Variants in TOR1B observed in about 807,000 individuals in gnomAD.
The protein encoded by TOR1B is torsin family 1 member B.
TOR1B carries 14 observed loss-of-function variants against 29.2 expected under a neutral mutation model. That is an observed-to-expected ratio of 0.48 (90% CI 0.32 to 0.75). The LOEUF is 0.75. Ranked by LOEUF, TOR1B falls within the 30% of genes least tolerant of loss-of-function variation. TOR1B has a pLI of 0.04. For missense variants in TOR1B, 400 were observed against 433.9 expected, an observed-to-expected ratio of 0.92 and a Z score of 0.69; for synonymous variants, 166 against 179.8, an observed-to-expected ratio of 0.92 and a Z score of 0.62.
At chr9:129,807,028 A>G (rs910124015) in intron 2 of TOR1B, among the ~76,000 whole-genome samples, 160 bp from the exon 3 acceptor site, 1 of 152,184 alleles carries the variant, frequency 6.6e-6, no homozygotes, top group African/African-American at 2.4e-5. Context: ...TTTTAGAGAT[A>G]AGGTTTTAGA....
intron 2 of TOR1B, 183 bp downstream of exon 2, chr9:129,804,521 C>G (rs987331493): frequency 4.1e-6 from 3 of 740,732 alleles, no homozygotes; most frequent in Admixed American, 2.9e-5. Flanking sequence ...TTACTTGGTT[C>G]CAAAACAGTC....
chr9:129,807,477 A>G (rs1408473550), intron 3 of TOR1B, 114 bp downstream of exon 3: 11 of 1,254,656 alleles, frequency 8.8e-6, no homozygotes, highest in Non-Finnish European at 1.1e-5. Context: ...CCTGCTTGGC[A>G]CAAGGCACTT....
chr9:129,810,100 C>A lies in TOR1B; in HGVS notation c.*517C>A. 1 of 1,288,560 alleles carries A rather than the reference C, an allele frequency of 7.8e-7. No individual in the cohort carries two copies. The highest frequency in any genetic ancestry group is 1.0e-6 in the Non-Finnish European group (1 of 978,312). The allele number at this position is 1,288,560 out of a possible 1,614,324, so 79.8% of individuals were successfully genotyped here. On this transcript the variant is annotated 3_prime_UTR_variant, in exon 5 of 5. Transcript: ENST00000259339. ...ACCCGCGCCTCAGAAGCTACGGTCA[C>A]AACTAAAGGAGTCCAGGGACTTGCT...
chr9:129,807,853 A>G (rs1038547080), intron 3 of TOR1B, among the ~76,000 whole-genome samples: 7 of 151,630 alleles, frequency 4.6e-5, no homozygotes, highest in Non-Finnish European at 1.0e-4. Flanking sequence ...CTCAAAAAAA[A>G]AAAAAAAAGA....
chr9:129,810,438 C>T lies in TOR1B; in HGVS notation c.*855C>T. 2 of 1,182,456 alleles carry T rather than the reference C, an allele frequency of 1.7e-6. No individual in the cohort carries two copies. The highest frequency in any genetic ancestry group is 2.1e-6 in the Non-Finnish European group (2 of 930,442). The allele number at this position is 1,182,456 out of a possible 1,614,324, so 73.2% of individuals were successfully genotyped here. On this transcript the variant is annotated 3_prime_UTR_variant, in exon 5 of 5. Coordinates refer to ENST00000259339, the MANE Select transcript of TOR1B (RefSeq NM_014506.3). Reference sequence around the variant, plus strand: ...CTGTCCATCGCTCTAGCTGCTAATACAGCCCTGGCTGTGGAATCCTTCACC... The same window carrying T: ...CTGTCCATCGCTCTAGCTGCTAATATAGCCCTGGCTGTGGAATCCTTCACC...
At chr9:129,804,993 C>G (rs1349772584) in intron 2 of TOR1B, among the ~76,000 whole-genome samples, 8 of 151,156 alleles carry the variant, frequency 5.3e-5, no homozygotes, top group Admixed American at 4.6e-4. Context: ...AAAAAATTAG[C>G]CGGGGATGGT....
At chr9:129,804,425 T>A in intron 2 of TOR1B, 87 bp downstream of exon 2, 1 of 1,530,340 alleles carries the variant, frequency 6.5e-7, no homozygotes, top group Non-Finnish European at 8.9e-7. Flanking sequence ...TGCTTCTCTT[T>A]CCTTTGTGTT....
Position 129,809,735 on chromosome 9 carries a change from C to T in TOR1B, c.*152C>T, listed in dbSNP as rs2030734698. ...ATCTTTTTTTTGAGAAGAGGTCTCA[C>T]TCCGTCATCCAAGCTGGAGTGCAGT... On this transcript the variant is annotated 3_prime_UTR_variant, in exon 5 of 5. Transcript: ENST00000259339. 2.1e-6 allele frequency: 3 copies of T among 1,439,170 alleles called. No homozygotes were observed. The Admixed American group carries it at 8.4e-5, about 41-fold the overall frequency. 89.2% of individuals were successfully genotyped at this position (1,439,170 alleles called of 1,614,324 possible).
At position 129,810,571 on chromosome 9, in the gene TOR1B, T is replaced by G. The variant is rs2030809186; in HGVS notation, c.*988T>G. The G allele has an allele frequency of 2.2e-6, 1 of 455,214 alleles. No individual in the cohort carries two copies. Among genetic ancestry groups the G allele is most frequent in the African/African-American group, 2.1e-5 (1 of 48,482 alleles). 28.2% of individuals were successfully genotyped at this position (455,214 alleles called of 1,614,324 possible). A position where few individuals can be genotyped will look rare whatever the true frequency, so the allele number is the denominator to read the frequency against. ...TAGAGTTGAATCACAATGAGACCGT[T>G]GGCTTTGAATTTGAGTCGTTGGTTC... On this transcript the variant is annotated 3_prime_UTR_variant, in exon 5 of 5. Transcript: ENST00000259339.
At position 129,804,212 on chromosome 9, in the gene TOR1B, A is replaced by G; in HGVS notation, c.339A>G (p.Thr113=). 1 of 1,614,244 alleles carries G rather than the reference A, an allele frequency of 6.2e-7. No homozygotes were observed. The highest frequency in any genetic ancestry group is 1.1e-5 in the South Asian group (1 of 91,090). ...LTLSLHGWAG[T]GKNFVSQIVA... ...TTTCCTTACACGGCTGGGCTGGCAC[A>G]GGCAAGAATTTTGTCAGTCAAATTG... The change falls in exon 2 of 5, where the codon ACA becomes ACG. Residue 113 remains threonine (T), a synonymous_variant. Transcript: ENST00000259339.
At position 129,804,352 on chromosome 9, in the gene TOR1B, C is replaced by T; in HGVS notation, c.465+14C>T. ...AAACTGTACCAGGCAAGAGAACCCGCTATTATCTCGTCTGCAGGCCAGTCG... is the reference window on the plus strand; with the variant it reads ...AAACTGTACCAGGCAAGAGAACCCGTTATTATCTCGTCTGCAGGCCAGTCG... On this transcript the variant is annotated intron_variant, in intron 2 of 4. Transcript: ENST00000259339. The T allele has an allele frequency of 1.2e-6, 2 of 1,606,736 alleles. No individual in the cohort carries two copies. The highest frequency in any genetic ancestry group is 1.1e-5 in the South Asian group (1 of 90,998).
chr9:129,803,447 G>T (rs557942444), intron 1 of TOR1B, 36 bp downstream of exon 1: 4 of 1,319,430 alleles, frequency 3.0e-6, no homozygotes, highest in Non-Finnish European at 3.8e-6. Flanking sequence ...TCGGCGCTGC[G>T]GGGGGCGCGG....
In TOR1B at chr9:129,809,879, CTAAGAGT is replaced by C. The variant is rs375314946; in HGVS notation, c.*298_*304del. ...ACTGTGCCCAGCTGGGATATAGAAT[CTAAGAGT>C]TGATTGTGGAAAACACGTGAATCTA... On this transcript the variant is annotated 3_prime_UTR_variant, in exon 5 of 5. Coordinates refer to ENST00000259339, the MANE Select transcript of TOR1B (RefSeq NM_014506.3). 4.7e-5 allele frequency: 60 copies of C among 1,284,770 alleles called. 1 individual carries two copies. Among genetic ancestry groups the C allele is most frequent in the East Asian group, 2.3e-4 (6 of 25,776 alleles). 79.6% of individuals were successfully genotyped at this position (1,284,770 alleles called of 1,614,324 possible).
rs754799015 is a variant in TOR1B, at chr9:129,809,358, T to C, written c.786T>C (p.Ser262=). ...GTTCTGCAGGTGGCCTGTGGCACAG[T>C]GGACTGATCGACAAAAACCTCATTG... ...FNNKHSGLWH[S]GLIDKNLIDY... The change falls in exon 5 of 5, where the codon AGT becomes AGC. Residue 262 remains serine, a synonymous_variant. Transcript: ENST00000259339. The C allele has an allele frequency of 2.2e-5, 36 of 1,614,030 alleles. No homozygotes were observed. The South Asian group carries it at 3.7e-4, about 17-fold the overall frequency.
chr9:129,808,976 T>C lies in TOR1B; in HGVS notation c.713T>C (p.Ile238Thr). 6.2e-7 allele frequency: 1 copy of C among 1,614,058 alleles called. No homozygotes were observed. The highest frequency in any genetic ancestry group is 8.5e-7 in the Non-Finnish European group (1 of 1,179,992). ...FWRAGRKRED[I>T]QLKDLEPVLS... ...CGGGCCGGAAGAAAGAGGGAAGACA[T>C]TCAGCTGAAGGACCTGGAACCTGTA... The change falls in exon 4 of 5, where the codon ATT becomes ACT. Residue 238 changes from isoleucine to threonine, a missense_variant. Coordinates refer to ENST00000259339, the MANE Select transcript of TOR1B (RefSeq NM_014506.3).
Position 129,810,295 on chromosome 9 carries a change from A to G in TOR1B, c.*712A>G. 1.2e-5 allele frequency: 15 copies of G among 1,289,356 alleles called. No individual in the cohort carries two copies. Among genetic ancestry groups the G allele is most frequent in the Non-Finnish European group, 1.4e-5 (14 of 985,382 alleles). 79.9% of individuals were successfully genotyped at this position (1,289,356 alleles called of 1,614,324 possible). A position where few individuals can be genotyped will look rare whatever the true frequency, so the allele number is the denominator to read the frequency against. On this transcript the variant is annotated 3_prime_UTR_variant, in exon 5 of 5. Coordinates refer to ENST00000259339, the MANE Select transcript of TOR1B (RefSeq NM_014506.3). Reference sequence around the variant, plus strand: ...GGTGCAGACGGTGTCTGACCGGAGGATGTGGCCGTGCCCGCCGAGCACTCT... The same window carrying G: ...GGTGCAGACGGTGTCTGACCGGAGGGTGTGGCCGTGCCCGCCGAGCACTCT...
At chr9:129,806,818 G>C (rs1366894976) in intron 2 of TOR1B, among the ~76,000 whole-genome samples, 1 of 152,208 alleles carries the variant, frequency 6.6e-6, no homozygotes, top group South Asian at 2.1e-4. Flanking sequence ...CCAAGAGGCA[G>C]AGGTTGCAGT....
Position 129,808,950 on chromosome 9 carries a change from G to T in TOR1B, c.687G>T (p.Trp229Cys). 1 of 1,614,040 alleles carries T rather than the reference G, an allele frequency of 6.2e-7. No individual in the cohort carries two copies. Among genetic ancestry groups the T allele is most frequent in the Non-Finnish European group, 8.5e-7 (1 of 1,180,010 alleles). Reference sequence around the variant, plus strand: ...TAACTAAGACGGCTCTTGACTTTTGGCGGGCCGGAAGAAAGAGGGAAGACA... The same window carrying T: ...TAACTAAGACGGCTCTTGACTTTTGTCGGGCCGGAAGAAAGAGGGAAGACA... ...DLITKTALDF[W>C]RAGRKREDIQ... Residue 229 changes from tryptophan (W) to cysteine (C), a missense_variant, in exon 4 of 5, where the codon TGG becomes TGT. Coordinates refer to ENST00000259339, the MANE Select transcript of TOR1B (RefSeq NM_014506.3).
chr9:129,804,464 G>A, intron 2 of TOR1B, 126 bp downstream of exon 2: 1 of 1,216,540 alleles, frequency 8.2e-7, no homozygotes, highest in Non-Finnish European at 1.2e-6. Context: ...ACTGAGTTAA[G>A]GCACACTTAG....
Sources: allele counts gnomAD v4.1 joint callset (sites outside exome capture counted in the v4.1 genomes callset), GRCh38; gene constraint gnomAD v4.1.1; transcripts MANE v1.5; gene names NCBI Gene and HGNC (gene_info 2026-07-23, HGNC 2026-07-21).